ECM2: variants seen among roughly 807,000 people sequenced by gnomAD.
ECM2 encodes the protein extracellular matrix protein 2, also known as extracellular matrix protein 2, female organ and adipocyte specific.
Under a neutral mutation model 67.5 loss-of-function variants are expected in ECM2, and 57 were observed. The ratio of observed to expected loss-of-function variants is 0.84; its 90% CI spans 0.68 to 1.05. The LOEUF is 1.05. Among genes scored for constraint, ECM2 ranks in the 50% least tolerant of loss-of-function variants. The probability of loss-of-function intolerance (pLI) is 0.00; values close to 1 mark genes in which losing one functional copy is unlikely to be tolerated. For missense variants in ECM2, 741 were observed against 822.8 expected, an observed-to-expected ratio of 0.90 and a Z score of 1.22; for synonymous variants, 258 against 294.5, an observed-to-expected ratio of 0.88 and a Z score of 1.27.
intron 9 of ECM2, among the ~76,000 whole-genome samples, chr9:92,496,924 T>C (rs1337608259): frequency 6.6e-6 from 1 of 151,748 alleles, no homozygotes; most frequent in Non-Finnish European, 1.5e-5. Context: ...ATACCACTTT[T>C]TATTTATAAG....
At chr9:92,555,691 T>G in the ECM2 span, among the ~76,000 whole-genome samples, 154 of 152,320 alleles carry the variant, frequency 1.0e-3, no homozygotes, top group Non-Finnish European at 8.5e-4. Flanking sequence ...GTGTTCATAG[T>G]AGCCTTGAAT....
At chr9:92,512,228 G>C in intron 4 of ECM2, 102 bp from the exon 5 acceptor site, 1 of 646,266 alleles carries the variant, frequency 1.5e-6, no homozygotes, top group Non-Finnish European at 2.6e-6. Context: ...AGCTTTGTCT[G>C]GAGGAGAAAG....
intron 9 of ECM2, among the ~76,000 whole-genome samples, chr9:92,500,416 C>G (rs1846600365): frequency 6.6e-6 from 1 of 152,234 alleles, no homozygotes; most frequent in Non-Finnish European, 1.5e-5. Context: ...CTCTTGAACT[C>G]AGGTGATCCG....
chr9:92,525,284 C>T (rs1006892886), intron 1 of ECM2, among the ~76,000 whole-genome samples: 8 of 151,552 alleles, frequency 5.3e-5, no homozygotes, highest in Admixed American at 3.9e-4. Flanking sequence ...CAGCACTGTA[C>T]TCCAGCCTGG....
At chr9:92,508,770 G>T (rs1307057093) in intron 6 of ECM2, among the ~76,000 whole-genome samples, 1 of 152,082 alleles carries the variant, frequency 6.6e-6, no homozygotes, top group Admixed American at 6.5e-5. Context: ...TACCAGAAGT[G>T]TTTTGTTCCT....
chr9:92,494,481 C>T (rs1846261781), downstream of ECM2, among the ~76,000 whole-genome samples: 1 of 152,144 alleles, frequency 6.6e-6, no homozygotes, highest in South Asian at 2.1e-4. Context: ...CCATAAAATT[C>T]TAGTTTTCTT....
chr9:92,502,577 T>G lies in ECM2; in HGVS notation c.1540A>C (p.Ile514Leu), dbSNP rs748143957. The change falls in exon 8 of 10, where the codon ATT becomes CTT. Residue 514 changes from isoleucine to leucine, a missense_variant. Transcript: ENST00000344604. The stretch of plus-strand genomic sequence containing the variant: ...TCAATTTTGTTATAACGTAGTACAA[T>G]GACATTGATCTTTCTGGTATGATTG... The part of the protein sequence containing the change: ...CFNHTRKINV[I>L]VLRYNKIEEN... The G allele has an allele frequency of 2.5e-6, 4 of 1,612,236 alleles. No homozygotes were observed. The South Asian group carries it at 3.3e-5, about 13-fold the overall frequency.
the ECM2 span, among the ~76,000 whole-genome samples, chr9:92,542,576 G>C: frequency 6.6e-6 from 1 of 151,752 alleles, no homozygotes; most frequent in Non-Finnish European, 1.5e-5. Flanking sequence ...TAGTGCAGTG[G>C]CACGATCATG....
At chr9:92,509,852 G>GAA in intron 6 of ECM2, 47 bp downstream of exon 6, 1 of 1,561,414 alleles carries the variant, frequency 6.4e-7, no homozygotes, top group Non-Finnish European at 8.6e-7. Flanking sequence ...GGACTATATA[G>GAA]GAAAGATTAT....
the ECM2 span, among the ~76,000 whole-genome samples, chr9:92,545,965 G>C: frequency 4.0e-5 from 6 of 151,850 alleles, no homozygotes; most frequent in Admixed American, 1.3e-4. Context: ...TCTAGCTCAG[G>C]GTTTGTAAAT....
At chr9:92,500,081 G>A (rs1846578860) in intron 9 of ECM2, among the ~76,000 whole-genome samples, 1 of 152,206 alleles carries the variant, frequency 6.6e-6, no homozygotes, top group South Asian at 2.1e-4. Context: ...TTATAGATTA[G>A]TTTTATTTAT....
upstream of ECM2, among the ~76,000 whole-genome samples, chr9:92,540,197 G>A (rs1043534357): frequency 6.6e-6 from 1 of 152,172 alleles, no homozygotes; most frequent in Non-Finnish European, 1.5e-5. Flanking sequence ...CCTGCACTTC[G>A]GGAGGCCGAA....
At chr9:92,502,789 A>G (rs1167763965) in intron 7 of ECM2, 137 bp from the exon 8 acceptor site, 11 of 701,766 alleles carry the variant, frequency 1.6e-5, no homozygotes, top group East Asian at 3.5e-5. Context: ...AAGTAAGCTC[A>G]TATTTTTAAG....
At chr9:92,527,986 C>G (rs1186631334) in intron 1 of ECM2, 2 of 153,466 alleles carry the variant, frequency 1.3e-5, no homozygotes, top group African/African-American at 4.8e-5. Flanking sequence ...GAATGATACT[C>G]TAGGAAGCGA....
At chr9:92,511,972 G>A in intron 5 of ECM2, 39 bp downstream of exon 5, 1 of 1,456,724 alleles carries the variant, frequency 6.9e-7, no homozygotes, top group South Asian at 1.2e-5. Flanking sequence ...TCATAGTGAA[G>A]CCATTCATCC....
Position 92,501,035 on chromosome 9 carries a change from A to C in ECM2, c.1623T>G (p.Asp541Glu). 1 of 1,612,806 alleles carries C rather than the reference A, an allele frequency of 6.2e-7. No individual in the cohort carries two copies. Reference protein sequence around the residue: ...WINQENLESIDLSYNKLYHVP... With the variant: ...WINQENLESIELSYNKLYHVP... ...CGTGATAGAGCTTGTTGTAGGAGAG[A>C]TCAATGGATTCTAGATTTCTGCAGC... is the stretch of plus-strand genomic sequence containing the variant. The change falls in exon 9 of 10, where the codon GAT (aspartate) becomes GAG (glutamate). Residue 541 changes from aspartate to glutamate, a missense_variant. Transcript: ENST00000344604.
intron 9 of ECM2, among the ~76,000 whole-genome samples, chr9:92,497,449 ACC>A (rs1202835632): frequency 6.6e-6 from 1 of 151,596 alleles, no homozygotes; most frequent in Non-Finnish European, 1.5e-5. Context: ...ACATGGAGAA[ACC>A]CCGTCTCTAC....
intron 6 of ECM2, among the ~76,000 whole-genome samples, chr9:92,506,455 A>G (rs924004316): frequency 6.6e-6 from 1 of 152,182 alleles, no homozygotes; most frequent in African/African-American, 2.4e-5. Flanking sequence ...TCTGTGCTGC[A>G]AAATGGACAG....
the ECM2 span, among the ~76,000 whole-genome samples, chr9:92,547,260 C>T: frequency 4.6e-5 from 7 of 152,172 alleles, no homozygotes; most frequent in Non-Finnish European, 7.3e-5. Flanking sequence ...TTTAGTCTGA[C>T]AGATTATCTA....
Sources: allele counts gnomAD v4.1 joint callset (sites outside exome capture counted in the v4.1 genomes callset), GRCh38; gene constraint gnomAD v4.1.1; transcripts MANE v1.5; gene names NCBI Gene and HGNC (gene_info 2026-07-23, HGNC 2026-07-21).